PCSK4: variants seen among roughly 807,000 people sequenced by gnomAD.
PCSK4 encodes proprotein convertase subtilisin/kexin type 4.
PCSK4 carries 64 observed loss-of-function variants against 80.3 expected under a neutral mutation model. That is an observed-to-expected ratio of 0.80 (90% CI 0.65 to 0.98). The LOEUF is 0.98. Among genes scored for constraint, PCSK4 ranks in the 50% least tolerant of loss-of-function variants. The pLI is 0.00. For missense variants in PCSK4, 1,213 were observed against 1,093.6 expected (o/e 1.11, Z -1.54); for synonymous variants, 561 against 487.6 (o/e 1.15, Z -1.98).
In PCSK4 at chr19:1,483,042, G is replaced by A. The variant is rs568636905; in HGVS notation, c.1572-22C>T. On this transcript the variant is annotated intron_variant, in intron 12 of 14. Transcript: ENST00000300954. ...GGGTCTGGGACAGAAGGGTGGGTGG[G>A]GGTGGGGGTGTCAAGAGGGATGGCT... is the stretch of plus-strand genomic sequence containing the variant. The A allele has an allele frequency of 3.3e-6, 5 of 1,500,484 alleles. No individual in the cohort carries two copies. In the African/African-American group the frequency reaches 4.1e-5, roughly 12 times the overall value. The allele number at this position is 1,500,484 out of a possible 1,614,324, so 92.9% of individuals were successfully genotyped here.
intron 12 of PCSK4, 109 bp from the exon 13 acceptor site, chr19:1,483,129 C>T: frequency 1.6e-6 from 2 of 1,272,394 alleles, no homozygotes; most frequent in South Asian, 3.0e-5. Context: ...CGCGTGTCCT[C>T]TGGGTGTGGG....
At chr19:1,484,057 G>T in exon 9 of PCSK4, 1 of 1,559,594 alleles carries the variant, frequency 6.4e-7, no homozygotes. Flanking sequence ...GATCATGCCG[G>T]CCGCCAGTGG....
At chr19:1,482,186 A>T in exon 15 of PCSK4, 1 of 1,549,404 alleles carries the variant, frequency 6.5e-7, no homozygotes, top group South Asian at 1.2e-5. Flanking sequence ...CTGTCCCAGG[A>T]TGTAGGCGGG....
At position 1,487,774 on chromosome 19, in the gene PCSK4, G is replaced by A. The variant is rs1240759772; in HGVS notation, c.593+11C>T. On this transcript the variant is annotated intron_variant, in intron 5 of 14. Transcript: ENST00000300954. Reference sequence around the variant, plus strand: ...GGGGCTTCCCCCGTGTGCTGTGGGAGCCCTGCTCACCGGTTCTCTTTGCTG... The same window carrying A: ...GGGGCTTCCCCCGTGTGCTGTGGGAACCCTGCTCACCGGTTCTCTTTGCTG... 6.4e-7 allele frequency: 1 copy of A among 1,567,586 alleles called. No individual in the cohort carries two copies. Among genetic ancestry groups the A allele is most frequent in the Admixed American group, 1.9e-5 (1 of 53,264 alleles).
intron 1 of PCSK4, 55 bp downstream of exon 1, chr19:1,490,103 G>A: frequency 3.7e-6 from 6 of 1,602,578 alleles, no homozygotes; most frequent in Non-Finnish European, 5.1e-6. Context: ...TCGGGGTCTA[G>A]GGTTGTTCAG....
At chr19:1,482,240 GCTTGCCACCCGCAGCCTGTTA>G (rs1432482436) in intron 14 of PCSK4, 33 bp from the exon 15 acceptor site, 2 of 1,523,818 alleles carry the variant, frequency 1.3e-6, no homozygotes, top group Admixed American at 2.0e-5. Flanking sequence ...AGGCCCGTCA[GCTTGCCACCCGCAGCCTGTTA>G]CTCGCCACCC....
chr19:1,486,533 T>A (rs2084621270), intron 8 of PCSK4, among the ~76,000 whole-genome samples: 1 of 151,838 alleles, frequency 6.6e-6, no homozygotes, highest in Non-Finnish European at 1.5e-5. Context: ...CCCGACCTCG[T>A]GATCCACCCG....
At chr19:1,483,702 G>A in exon 11 of PCSK4, 1 of 1,596,594 alleles carries the variant, frequency 6.3e-7, no homozygotes, top group Non-Finnish European at 8.5e-7. Context: ...TGGGTGGGCA[G>A]CCAGGTGCGG....
exon 10 of PCSK4, chr19:1,483,926 C>G: frequency 6.8e-7 from 1 of 1,473,440 alleles, no homozygotes. Flanking sequence ...GCATGTCTCT[C>G]CACGTCAGGA....
exon 1 of PCSK4, chr19:1,490,343 G>A: frequency 4.9e-6 from 6 of 1,217,910 alleles, no homozygotes; most frequent in East Asian, 2.7e-5. Flanking sequence ...GGGGCGGGCC[G>A]CATGGAGGCG....
chr19:1,481,472 G>C (rs991980382), exon 15 of PCSK4: 1 of 346,694 alleles, frequency 2.9e-6, no homozygotes, highest in African/African-American at 2.1e-5. Flanking sequence ...GGTTGGACGC[G>C]GTGCCCGAGG....
chr19:1,484,014 C>CGCAGTCACCT lies in PCSK4; in HGVS notation c.1169+3_1169+12dup. ...GGGGCGAGGGCGGTGGACCGGGCCC[C>CGCAGTCACCT]GCAGTCACCTACTTGGCCTCCAGCG... On this transcript the variant is annotated intron_variant, in intron 9 of 14. Transcript: ENST00000300954. 1 of 1,529,546 alleles carries CGCAGTCACCT rather than the reference C, an allele frequency of 6.5e-7. No individual in the cohort carries two copies. Among genetic ancestry groups the CGCAGTCACCT allele is most frequent in the South Asian group, 1.2e-5 (1 of 83,628 alleles). 94.7% of individuals were successfully genotyped at this position (1,529,546 alleles called of 1,614,324 possible).
At chr19:1,489,990 C>T in intron 1 of PCSK4, 93 bp from the exon 2 acceptor site, 2 of 1,530,390 alleles carry the variant, frequency 1.3e-6, no homozygotes, top group Non-Finnish European at 8.8e-7. Context: ...TTGTCCTTCC[C>T]CAGCAGGTGC....
At chr19:1,484,158 GC>G in intron 8 of PCSK4, 31 bp from the exon 9 acceptor site, 1 of 1,243,702 alleles carries the variant, frequency 8.0e-7, no homozygotes, top group Non-Finnish European at 1.1e-6. Context: ...GACTCGGGGG[GC>G]CGTGCACAGT....
At chr19:1,483,012 T>G in exon 13 of PCSK4, 1 of 639,398 alleles carries the variant, frequency 1.6e-6, no homozygotes, top group Non-Finnish European at 2.6e-6. Flanking sequence ...AGTGCTGACG[T>G]CCAAGGGTCT....
At chr19:1,484,060 G>A in exon 9 of PCSK4, 1 of 1,561,548 alleles carries the variant, frequency 6.4e-7, no homozygotes, top group South Asian at 1.2e-5. Flanking sequence ...CATGCCGGCC[G>A]CCAGTGGGGC....
At position 1,483,618 on chromosome 19, in the gene PCSK4, G is replaced by A. The variant is rs1338122002; in HGVS notation, c.1391+32C>T. The stretch of plus-strand genomic sequence containing the variant: ...CAGGCCTGTCCCCCACACCCCCAGC[G>A]GGGATAGCGGAGGGGCGCGCAGGGG... On this transcript the variant is annotated intron_variant, in intron 11 of 14. Transcript: ENST00000300954. The A allele has an allele frequency of 2.0e-6, 3 of 1,523,692 alleles. No homozygotes were observed. The East Asian group carries it at 6.9e-5, about 35-fold the overall frequency. 94.4% of individuals were successfully genotyped at this position (1,523,692 alleles called of 1,614,324 possible).
intron 11 of PCSK4, 80 bp from the exon 12 acceptor site, chr19:1,483,543 A>T: frequency 7.0e-7 from 1 of 1,421,068 alleles, no homozygotes; most frequent in Non-Finnish European, 9.6e-7. Flanking sequence ...GTCGGGGCTC[A>T]GAGGTCACGG....
intron 8 of PCSK4, 89 bp downstream of exon 8, chr19:1,486,764 G>C: frequency 8.0e-6 from 9 of 1,119,972 alleles, no homozygotes; most frequent in Non-Finnish European, 1.2e-5. Context: ...CTTTGGGAGG[G>C]TGCTAAGTCA....
Sources: allele counts gnomAD v4.1 joint callset (sites outside exome capture counted in the v4.1 genomes callset), GRCh38; gene constraint gnomAD v4.1.1; transcripts MANE v1.5; gene names NCBI Gene and HGNC (gene_info 2026-07-23, HGNC 2026-07-21).